The following EPAS1 variants were observed in gnomAD, a reference collection of about 807,000 sequenced individuals.
EPAS1 encodes endothelial PAS domain protein 1.
A neutral mutation model predicts 87.9 loss-of-function variants in EPAS1; 23 were observed. The observed-to-expected ratio is 0.26, with a 90% CI of 0.19 to 0.37. EPAS1 has a LOEUF of 0.37. EPAS1 is among the 10% of genes least tolerant of loss of function. The pLI is 1.00. For synonymous variants in EPAS1, 508 were observed against 444.3 expected (o/e 1.14, Z -1.80); for missense variants, 1,138 against 1,120.7 (o/e 1.02, Z -0.22).
intron 4 of EPAS1, among the ~76,000 whole-genome samples, chr2:46,357,329 T>G (rs1021926737): frequency 6.6e-6 from 1 of 152,168 alleles, no homozygotes; most frequent in African/African-American, 2.4e-5. Flanking sequence ...TCAGGATAGC[T>G]CACACACGTC....
Position 46,297,848 on chromosome 2 carries a change from G to GC in EPAS1, c.-58dup, listed in dbSNP as rs200720368. ...CCGCGGGGAGCGGACGAGGGCCACAGCCCCCCACCCGCCAGGGAGCCCAGG... is the reference window on the plus strand; with the variant it reads ...CCGCGGGGAGCGGACGAGGGCCACAGCCCCCCCACCCGCCAGGGAGCCCAGG... On this transcript the variant is annotated 5_prime_UTR_variant, in exon 1 of 16. Transcript: ENST00000263734. The GC allele has an allele frequency of 0.052, 82,171 of 1,584,112 alleles. 2,434 individuals carry two copies. Among genetic ancestry groups the GC allele is most frequent in the Non-Finnish European group, 0.06 (69,693 of 1,165,746 alleles).
At position 46,375,828 on chromosome 2, in the gene EPAS1, A is replaced by G. The variant is rs1418624074; in HGVS notation, c.1025A>G (p.Tyr342Cys). 3.1e-6 allele frequency: 5 copies of G among 1,614,188 alleles called. No individual in the cohort carries two copies. In the Admixed American group the frequency reaches 8.3e-5, roughly 27 times the overall value. Residue 342 changes from tyrosine to cysteine, a missense_variant, in exon 8 of 16, where the codon TAC becomes TGC. Physicochemically the swap from Tyr to Cys is radical, Grantham distance 194 (BLOSUM62 -2). Coordinates refer to ENST00000263734, the MANE Select transcript of EPAS1 (RefSeq NM_001430.5). The surrounding 1 kb of genome is among the most constrained non-coding windows in gnomAD (Gnocchi z 4.1). ...LQPQCIMCVN[Y>C]VLSEIEKNDV... is the part of the protein sequence containing the mutation. ...CCCCAGTGCATCATGTGTGTCAACT[A>G]CGTCCTGAGGTAAGCATGTGAGGGC... is the stretch of plus-strand genomic sequence containing the variant.
At chr2:46,305,614 T>C (rs371411244) in intron 1 of EPAS1, among the ~76,000 whole-genome samples, 7 of 152,242 alleles carry the variant, frequency 4.6e-5, no homozygotes, top group South Asian at 2.1e-4. Flanking sequence ...TTGAAACATA[T>C]GTTTATTTGC....
chr2:46,365,828 A>G (rs537991925), intron 6 of EPAS1, among the ~76,000 whole-genome samples: 14 of 152,382 alleles, frequency 9.2e-5, no homozygotes, highest in Non-Finnish European at 1.8e-4. Flanking sequence ...AAGCACATAT[A>G]GAAACCAAAA....
intron 1 of EPAS1, among the ~76,000 whole-genome samples, chr2:46,345,738 T>C (rs573944714): frequency 6.6e-6 from 1 of 152,328 alleles, no homozygotes; most frequent in East Asian, 1.9e-4. Context: ...ATATAATTTA[T>C]AGGAAGTATT....
At chr2:46,319,979 C>T (rs1308684630) in intron 1 of EPAS1, among the ~76,000 whole-genome samples, 6 of 152,170 alleles carry the variant, frequency 3.9e-5, no homozygotes, top group Admixed American at 1.3e-4. Context: ...AATTTGGCAA[C>T]GGCAGAATGC....
chr2:46,347,008 C>T lies in EPAS1; in HGVS notation c.162C>T (p.Ala54=), dbSNP rs528826650. 7.4e-6 allele frequency: 12 copies of T among 1,614,238 alleles called. No individual in the cohort carries two copies. Among genetic ancestry groups the T allele is most frequent in the African/African-American group, 1.3e-5 (1 of 75,060 alleles). The part of the protein sequence containing the change: ...PHSVSSHLDK[A]SIMRLAISFL... Reference sequence around the variant, plus strand: ...GTGTGAGCTCCCATCTGGACAAGGCCTCCATCATGCGACTGGCAATCAGCT... The same window carrying T: ...GTGTGAGCTCCCATCTGGACAAGGCTTCCATCATGCGACTGGCAATCAGCT... The change falls in exon 2 of 16, where the codon GCC becomes GCT. Residue 54 remains alanine (A), a synonymous_variant. Transcript: ENST00000263734. The surrounding 1 kb of genome is among the most constrained non-coding windows in gnomAD (Gnocchi z 4.2).
chr2:46,311,201 G>T (rs7557167), intron 1 of EPAS1, among the ~76,000 whole-genome samples: 3,643 of 152,204 alleles, frequency 0.024, 60 homozygotes, highest in Non-Finnish European at 0.034. Context: ...TTCCTTTTCT[G>T]TCCCTCTAGT....
chr2:46,372,003 C>T (rs1684636795), intron 7 of EPAS1, among the ~76,000 whole-genome samples: 2 of 152,164 alleles, frequency 1.3e-5, no homozygotes, highest in Non-Finnish European at 2.9e-5. Context: ...CTTCTTAGAA[C>T]ATCTTCAATC....
intron 1 of EPAS1, among the ~76,000 whole-genome samples, chr2:46,307,525 G>A (rs1282033245): frequency 6.6e-6 from 1 of 152,102 alleles, no homozygotes; most frequent in Non-Finnish European, 1.5e-5. Flanking sequence ...GGGAGTTGAG[G>A]CTCTTCTTGG....
chr2:46,381,109 G>T lies in EPAS1; in HGVS notation c.2045+392G>T, dbSNP rs1382221849. 17 of 352,802 alleles carry T rather than the reference G, an allele frequency of 4.8e-5. 2 individuals carry two copies. The highest frequency in any genetic ancestry group is 9.2e-5 in the Non-Finnish European group (17 of 185,620). 21.9% of individuals were successfully genotyped at this position (352,802 alleles called of 1,614,324 possible). On this transcript the variant is annotated intron_variant, in intron 12 of 15. Transcript: ENST00000263734. Reference sequence around the variant, plus strand: ...CCCCTTGCCTTTTGGCTGCCCCCGGGTCCTCGCCACTGCAGCCTCTCCCAG... The same window carrying T: ...CCCCTTGCCTTTTGGCTGCCCCCGGTTCCTCGCCACTGCAGCCTCTCCCAG...
At chr2:46,317,950 AAG>A (rs370153255) in intron 1 of EPAS1, among the ~76,000 whole-genome samples, 203 of 152,286 alleles carry the variant, frequency 1.3e-3, no homozygotes, top group South Asian at 2.5e-3. Flanking sequence ...CCTAGAATTG[AAG>A]AGAGTTAGGG....
At chr2:46,348,552 C>G (rs1684083555) in intron 2 of EPAS1, among the ~76,000 whole-genome samples, 1 of 152,196 alleles carries the variant, frequency 6.6e-6, no homozygotes, top group Non-Finnish European at 1.5e-5. Flanking sequence ...AACCCTCTCC[C>G]CTGCTTTCCT....
Position 46,348,898 on chromosome 2 carries a change from T to C in EPAS1, c.217+1835T>C, listed in dbSNP as rs1451564214. ...TCAGATTAGGGACAGTCAACCTGTA[T>C]ATTAATTGTAGAATGCCTCTGACTA... On this transcript the variant is annotated intron_variant, in intron 2 of 15. Coordinates refer to ENST00000263734, the MANE Select transcript of EPAS1 (RefSeq NM_001430.5). Among the ~76,000 whole-genome samples, 4 of 152,212 alleles carry C rather than the reference T, an allele frequency of 2.6e-5. No homozygotes were observed. In the East Asian group the frequency reaches 7.7e-4, roughly 29 times the overall value.
At chr2:46,317,173 C>A (rs953503054) in intron 1 of EPAS1, among the ~76,000 whole-genome samples, 5 of 152,224 alleles carry the variant, frequency 3.3e-5, no homozygotes, top group African/African-American at 7.2e-5. Context: ...GAATTAACTT[C>A]TTCCAGACTC....
intron 1 of EPAS1, among the ~76,000 whole-genome samples, chr2:46,340,145 C>G (rs537526821): frequency 6.6e-6 from 1 of 152,264 alleles, no homozygotes; most frequent in East Asian, 1.9e-4. Flanking sequence ...ACGTAAGGAG[C>G]TGGGTTATCT....
At position 46,375,347 on chromosome 2, in the gene EPAS1, T is replaced by C. The variant is rs1284640055; in HGVS notation, c.887-343T>C. Among the ~76,000 whole-genome samples, 1 of 152,116 alleles carries C rather than the reference T, an allele frequency of 6.6e-6. No homozygotes were observed. Among genetic ancestry groups the C allele is most frequent in the Non-Finnish European group, 1.5e-5 (1 of 68,012 alleles). ...GAAGAAAGTAAGGCAGGTTCTGGAC[T>C]TGGTTCTGCTTATAGCTGAGCTGGT... On this transcript the variant is annotated intron_variant, in intron 7 of 15. Transcript: ENST00000263734. The surrounding 1 kb of genome is among the most constrained non-coding windows in gnomAD (Gnocchi z 4.1).
At chr2:46,365,334 TG>T (rs1203301476) in intron 6 of EPAS1, among the ~76,000 whole-genome samples, 1 of 152,244 alleles carries the variant, frequency 6.6e-6, no homozygotes, top group Non-Finnish European at 1.5e-5. Flanking sequence ...AACCCTGTTT[TG>T]TCATTGCATT....
intron 1 of EPAS1, among the ~76,000 whole-genome samples, chr2:46,344,407 G>C (rs1259121503): frequency 6.6e-6 from 1 of 152,214 alleles, no homozygotes; most frequent in Admixed American, 6.5e-5. Context: ...TGATGACGAG[G>C]TTATGTGTTG....
Sources: gnomAD v4.1 joint callset for allele counts (sites outside exome capture counted in the v4.1 genomes callset) on GRCh38, gnomAD v4.1.1 for gene constraint, Gnocchi (gnomAD v3.1) non-coding constraint, MANE v1.5 for transcripts, NCBI Gene and HGNC (gene_info 2026-07-23, HGNC 2026-07-21) for gene names.